Variants in CHN2 observed in about 807,000 individuals in gnomAD.
The protein encoded by CHN2 is chimerin 2.
A neutral mutation model predicts 56.3 loss-of-function variants in CHN2; 35 were observed. The observed-to-expected ratio is 0.62, with a 90% CI of 0.47 to 0.82. The LOEUF is 0.82. Among genes scored for constraint, CHN2 ranks in the 40% least tolerant of loss-of-function variants. CHN2 has a pLI of 0.00. For synonymous variants in CHN2, 210 were observed against 212.8 expected, an observed-to-expected ratio of 0.99 and a Z score of 0.12; for missense variants, 491 against 580.5, an observed-to-expected ratio of 0.85 and a Z score of 1.58.
At chr7:29,473,927 A>G (rs915954500) in intron 6 of CHN2, among the ~76,000 whole-genome samples, 1 of 152,206 alleles carries the variant, frequency 6.6e-6, no homozygotes, top group Admixed American at 6.5e-5. Context: ...TTTAAAAATC[A>G]TTTTTATATA....
intron 3 of CHN2, among the ~76,000 whole-genome samples, chr7:29,378,729 G>A (rs1800263786): frequency 1.3e-5 from 2 of 152,228 alleles, no homozygotes; most frequent in African/African-American, 4.8e-5. Flanking sequence ...ACTTTGGGAG[G>A]CCGAGGCAGG....
intron 2 of CHN2, chr7:29,146,994 G>A (rs978367451): frequency 6.4e-7 from 1 of 1,550,512 alleles, no homozygotes; most frequent in Non-Finnish European, 8.7e-7. Context: ...GTCCTGCCAA[G>A]CACTCTCCTG....
intron 2 of CHN2, chr7:29,147,260 T>C (rs984214686): frequency 5.7e-6 from 2 of 347,886 alleles, no homozygotes; most frequent in Non-Finnish European, 1.1e-5. Flanking sequence ...GTCATCATTA[T>C]CAGCAACAGC....
chr7:29,497,945 GGAA>G (rs1164223799), intron 8 of CHN2, among the ~76,000 whole-genome samples: 1 of 152,074 alleles, frequency 6.6e-6, no homozygotes, highest in Non-Finnish European at 1.5e-5. Context: ...TTTCAGCTTT[GGAA>G]GATGAAAAAA....
At chr7:29,164,268 C>T (rs1357758796) in intron 2 of CHN2, among the ~76,000 whole-genome samples, 1 of 152,028 alleles carries the variant, frequency 6.6e-6, no homozygotes. Flanking sequence ...TTTTTATGTG[C>T]TTATTTCCTG....
chr7:29,303,413 G>T (rs1275110305), intron 1 of CHN2, among the ~76,000 whole-genome samples: 2 of 152,194 alleles, frequency 1.3e-5, no homozygotes, highest in Non-Finnish European at 2.9e-5. Flanking sequence ...ACACCAAGCA[G>T]ACGTATCCAC....
At chr7:29,245,035 C>T (rs1787963910) in intron 1 of CHN2, among the ~76,000 whole-genome samples, 1 of 152,204 alleles carries the variant, frequency 6.6e-6, no homozygotes, top group Non-Finnish European at 1.5e-5. Flanking sequence ...ACATGCCACA[C>T]ACTTTCCTGT....
chr7:29,429,877 C>T (rs1008189793), intron 6 of CHN2, among the ~76,000 whole-genome samples: 14 of 152,118 alleles, frequency 9.2e-5, no homozygotes, highest in African/African-American at 2.9e-4. Context: ...GCGTAATTAG[C>T]GTATAGCTAT....
At position 29,260,129 on chromosome 7, in the gene CHN2, C is replaced by T. The variant is rs540459611; in HGVS notation, c.49+65139C>T. ...AGTAGCTGGAATTACAGGCACCCAC[C>T]ATCATGCCCGGCTAATTTTTGTATT... On this transcript the variant is annotated intron_variant, in intron 1 of 12. Transcript: ENST00000222792. 7.4e-4 allele frequency among the ~76,000 whole-genome samples: 113 copies of T among 152,204 alleles called. 2 individuals carry two copies. Among genetic ancestry groups the T allele is most frequent in the Middle Eastern group, 6.8e-3 (2 of 294 alleles).
rs781716548 is a variant in CHN2, at chr7:29,166,473, G to A, written c.274+19513G>A. On this transcript the variant is annotated intron_variant, in intron 2 of 6. Coordinates refer to the CHN2 transcript ENST00000439384. ...TTTCTGGGTTTTTGTTTGTTTGTTCGTTTGTTTGTTTTATGGGGAGGTTTC... is the reference window on the plus strand; with the variant it reads ...TTTCTGGGTTTTTGTTTGTTTGTTCATTTGTTTGTTTTATGGGGAGGTTTC... Among the ~76,000 whole-genome samples the A allele has an allele frequency of 1.8e-4, 26 of 143,536 alleles. 1 individual carries two copies. Among genetic ancestry groups the A allele is most frequent in the South Asian group, 1.5e-3 (7 of 4,802 alleles). The allele number at this position is 143,536 out of a possible 152,430, so 94.2% of individuals were successfully genotyped here.
intron 8 of CHN2, among the ~76,000 whole-genome samples, chr7:29,497,850 A>C (rs1043863040): frequency 6.6e-6 from 1 of 152,170 alleles, no homozygotes; most frequent in African/African-American, 2.4e-5. Context: ...TGTGGTACCT[A>C]GGGCAGCAAT....
chr7:29,246,785 G>A (rs1788112572), intron 1 of CHN2, among the ~76,000 whole-genome samples: 1 of 152,216 alleles, frequency 6.6e-6, no homozygotes, highest in Non-Finnish European at 1.5e-5. Context: ...CATAGATGGT[G>A]CCTTTTCACT....
At chr7:29,163,515 T>C (rs1229333613) in intron 2 of CHN2, among the ~76,000 whole-genome samples, 1 of 152,220 alleles carries the variant, frequency 6.6e-6, no homozygotes, top group African/African-American at 2.4e-5. Context: ...CATATGCATA[T>C]GAGCAATTAT....
At chr7:29,422,681 G>A (rs941263057) in intron 6 of CHN2, among the ~76,000 whole-genome samples, 1 of 152,154 alleles carries the variant, frequency 6.6e-6, no homozygotes, top group Non-Finnish European at 1.5e-5. Context: ...GTATTTCTAC[G>A]AGATGTCAGG....
At chr7:29,217,853 A>G (rs1422078625) in intron 1 of CHN2, among the ~76,000 whole-genome samples, 22 of 152,174 alleles carry the variant, frequency 1.4e-4, no homozygotes, top group Non-Finnish European at 2.9e-5. Context: ...ATGTGAACTA[A>G]TGCTTATGCG....
chr7:29,365,616 A>T (rs1267357287), intron 2 of CHN2, among the ~76,000 whole-genome samples: 2 of 152,204 alleles, frequency 1.3e-5, no homozygotes, highest in Non-Finnish European at 2.9e-5. Flanking sequence ...TGTCATAGAC[A>T]GAAGGAATAG....
intron 6 of CHN2, among the ~76,000 whole-genome samples, chr7:29,475,972 A>G (rs1383990310): frequency 6.6e-6 from 1 of 152,234 alleles, no homozygotes; most frequent in Non-Finnish European, 1.5e-5. Context: ...GTTGCAGAAC[A>G]TTGTAAATGC....
chr7:29,431,151 C>T (rs1460738714), intron 6 of CHN2, among the ~76,000 whole-genome samples: 1 of 152,156 alleles, frequency 6.6e-6, no homozygotes, highest in Non-Finnish European at 1.5e-5. Context: ...AATTAAAACG[C>T]TTACATTTAG....
intron 2 of CHN2, among the ~76,000 whole-genome samples, chr7:29,169,835 T>TAC (rs1289308604): frequency 6.6e-6 from 1 of 151,346 alleles, no homozygotes; most frequent in Admixed American, 6.6e-5. Context: ...TATATATATA[T>TAC]ACACACATAT....
Sources: gnomAD v4.1 joint callset for allele counts (sites outside exome capture counted in the v4.1 genomes callset) on GRCh38, gnomAD v4.1.1 for gene constraint, MANE v1.5 for transcripts, NCBI Gene and HGNC (gene_info 2026-07-23, HGNC 2026-07-21) for gene names.